The following CLASP1 variants were observed in gnomAD, a reference collection of about 807,000 sequenced individuals.
CLASP1 encodes cytoplasmic linker associated protein 1.
A neutral mutation model predicts 192.3 loss-of-function variants in CLASP1; 38 were observed. That is an observed-to-expected ratio of 0.20 (90% CI 0.15 to 0.26). The LOEUF (loss-of-function observed/expected upper bound fraction) is 0.26, where lower values mean the gene tolerates loss of function less well. Among genes scored for constraint, CLASP1 ranks in the 10% least tolerant of loss-of-function variants. The pLI is 1.00. For missense variants in CLASP1, 1,433 were observed against 1,932.5 expected (o/e 0.74, Z 4.85); for synonymous variants, 691 against 712.8 (o/e 0.97, Z 0.49).
intron 8 of CLASP1, 104 bp downstream of exon 8, chr2:121,503,063 T>C (rs547478098): frequency 5.5e-6 from 4 of 730,514 alleles, no homozygotes; most frequent in East Asian, 2.7e-5. Context: ...TTTTAAGACT[T>C]AGAAACTCTT....
chr2:121,498,540 A>G (rs1052717564), intron 8 of CLASP1, among the ~76,000 whole-genome samples: 2 of 152,230 alleles, frequency 1.3e-5, no homozygotes, highest in African/African-American at 4.8e-5. Context: ...GTATGACAAA[A>G]GAAAAAATAA....
At chr2:121,593,775 C>T (rs1015566435) in intron 2 of CLASP1, among the ~76,000 whole-genome samples, 15 of 151,680 alleles carry the variant, frequency 9.9e-5, no homozygotes, top group South Asian at 8.3e-4. Context: ...CTTTGGGAGG[C>T]CGAGGTGGGT....
chr2:121,456,497 G>C (rs577856645), intron 14 of CLASP1, among the ~76,000 whole-genome samples: 1 of 142,674 alleles, frequency 7.0e-6, no homozygotes, highest in African/African-American at 2.6e-5. Flanking sequence ...AAGGAAGAAA[G>C]GCAAGAAAGG....
chr2:121,639,047 T>C (rs1576678524), intron 1 of CLASP1, among the ~76,000 whole-genome samples: 1 of 151,796 alleles, frequency 6.6e-6, no homozygotes, highest in African/African-American at 2.4e-5. Context: ...GAGGCTGAGG[T>C]AGGCGGATCA....
chr2:121,592,065 T>C lies in CLASP1; in HGVS notation c.195+13636A>G, dbSNP rs116597996. 4.9e-3 allele frequency among the ~76,000 whole-genome samples: 747 copies of C among 152,256 alleles called. 9 individuals carry two copies. The highest frequency in any genetic ancestry group is 0.017 in the African/African-American group (724 of 41,554). On this transcript the variant is annotated intron_variant, in intron 2 of 39. Transcript: ENST00000263710. ...TAACTTGGCAGGGCCACCAGCTTGG[T>C]TTTCTTTTTACTCCAATGCTGTCTG...
intron 36 of CLASP1, 148 bp from the exon 38 acceptor site, chr2:121,363,448 G>C (rs1400341034): frequency 2.2e-6 from 2 of 889,750 alleles, no homozygotes; most frequent in East Asian, 5.3e-5. Flanking sequence ...CAGTTCACTT[G>C]AAATCAGCTT....
intron 2 of CLASP1, among the ~76,000 whole-genome samples, chr2:121,549,503 C>T (rs181716417): frequency 6.6e-6 from 1 of 152,234 alleles, no homozygotes; most frequent in Non-Finnish European, 1.5e-5. Context: ...GAGATGTCAA[C>T]ACTCTACTGA....
intron 2 of CLASP1, chr2:121,532,313 T>G (rs927408877): frequency 6.6e-6 from 1 of 152,198 alleles, no homozygotes; most frequent in Admixed American, 6.5e-5. Context: ...GTATAAACAC[T>G]TTAAAATAAT....
intron 2 of CLASP1, among the ~76,000 whole-genome samples, chr2:121,593,622 G>A (rs1380376281): frequency 5.0e-5 from 4 of 79,990 alleles, no homozygotes; most frequent in Non-Finnish European, 8.3e-5. Flanking sequence ...GAAAAACTCC[G>A]TCTCAAAAAA....
rs1559365421 is a variant in CLASP1 at position 121,478,665 on chromosome 2, C to CACACACACACCACA, written c.713-8706_713-8705insTGTGGTGTGTGTGT. 1.8e-3 allele frequency among the ~76,000 whole-genome samples: 172 copies of CACACACACACCACA among 95,626 alleles called. 2 individuals carry two copies. Among genetic ancestry groups the CACACACACACCACA allele is most frequent in the African/African-American group, 6.0e-3 (161 of 26,964 alleles). The allele number at this position is 95,626 out of a possible 152,430, so 62.7% of individuals were successfully genotyped here. On this transcript the variant is annotated intron_variant, in intron 8 of 39. Transcript: ENST00000263710. Reference sequence around the variant, plus strand: ...CACACCCCCCACACACACACACCCCCCACACACACCACACACACACCCCAC... The same window carrying CACACACACACCACA: ...CACACCCCCCACACACACACACCCCCACACACACACCACACACACACACCACACACACACCCCAC...
chr2:121,474,278 GAAAAT>G (rs2091277032), intron 8 of CLASP1, among the ~76,000 whole-genome samples: 2 of 152,130 alleles, frequency 1.3e-5, no homozygotes, highest in Non-Finnish European at 1.5e-5. Flanking sequence ...AAGGCATGAA[GAAAAT>G]GGAAGTGGTT....
At chr2:121,437,285 C>T (rs1239975127) in intron 19 of CLASP1, among the ~76,000 whole-genome samples, 1 of 152,146 alleles carries the variant, frequency 6.6e-6, no homozygotes, top group Non-Finnish European at 1.5e-5. Context: ...TAATAATGTA[C>T]TACATTTTCA....
At position 121,586,645 on chromosome 2, in the gene CLASP1, T is replaced by TA. The variant is rs1034414324; in HGVS notation, c.195+19055dup. On this transcript the variant is annotated intron_variant, in intron 2 of 39. Transcript: ENST00000263710. ...ACTATGTTCAATATGAATTTAAAAA[T>TA]AAAAAAAAAAAGACAACTGTCCTGA... Among the ~76,000 whole-genome samples the TA allele has an allele frequency of 2.8e-3, 411 of 145,514 alleles. 2 individuals carry two copies. The highest frequency in any genetic ancestry group is 4.2e-3 in the Non-Finnish European group (274 of 65,862).
intron 2 of CLASP1, among the ~76,000 whole-genome samples, chr2:121,550,657 C>A (rs2057949972): frequency 6.6e-6 from 1 of 152,156 alleles, no homozygotes. Context: ...TGAATTAATT[C>A]CTGGACACAT....
intron 23 of CLASP1, among the ~76,000 whole-genome samples, chr2:121,415,300 T>C (rs1267656831): frequency 6.6e-6 from 1 of 152,212 alleles, no homozygotes; most frequent in Non-Finnish European, 1.5e-5. Context: ...GTGCTAATAA[T>C]GGTTAATGGT....
chr2:121,386,546 C>T (rs973209567), intron 32 of CLASP1, among the ~76,000 whole-genome samples: 1 of 152,204 alleles, frequency 6.6e-6, no homozygotes, highest in African/African-American at 2.4e-5. Context: ...AGCAGTTTCT[C>T]TTTTTAAATC....
In CLASP1 at chr2:121,458,324, GA is replaced by G. The variant is rs2087125539; in HGVS notation, c.1314+515del. Among the ~76,000 whole-genome samples the G allele has an allele frequency of 2.0e-5, 3 of 152,262 alleles. No individual in the cohort carries two copies. In the East Asian group the frequency reaches 5.8e-4, roughly 29 times the overall value. On this transcript the variant is annotated intron_variant, in intron 13 of 39. Coordinates refer to ENST00000263710, the Ensembl canonical transcript of CLASP1. ...CATTTTAAACCTTTGTGAACTATTA[GA>G]TTTTGTTAAAAACCTGTGTATAAAT...
chr2:121,437,864 T>C (rs2082571083), intron 19 of CLASP1, among the ~76,000 whole-genome samples: 1 of 152,220 alleles, frequency 6.6e-6, no homozygotes, highest in Admixed American at 6.5e-5. Context: ...GCTCCTGCCA[T>C]GCTTAGGTTT....
intron 21 of CLASP1, among the ~76,000 whole-genome samples, chr2:121,426,017 T>C (rs1393145602): frequency 2.0e-5 from 3 of 151,940 alleles, no homozygotes; most frequent in Admixed American, 6.6e-5. Flanking sequence ...TGGTGGTACA[T>C]GCCTCTAGTC....
Sources: gnomAD v4.1 joint callset for allele counts (sites outside exome capture counted in the v4.1 genomes callset) on GRCh38, gnomAD v4.1.1 for gene constraint, MANE v1.5 for transcripts, NCBI Gene and HGNC (gene_info 2026-07-23, HGNC 2026-07-21) for gene names.